The following NCK2 variants were observed in gnomAD, a reference collection of about 807,000 sequenced individuals.
The protein encoded by NCK2 is cytoplasmic protein NCK2.
NCK2 carries 16 observed loss-of-function variants against 33.9 expected under a neutral mutation model. The observed-to-expected ratio is 0.47, with a 90% CI of 0.32 to 0.72. The LOEUF (loss-of-function observed/expected upper bound fraction) is 0.72. NCK2 is among the 30% of genes least tolerant of loss of function. The probability of loss-of-function intolerance (pLI) is 0.03; values close to 1 mark genes in which losing one functional copy is unlikely to be tolerated. For synonymous variants in NCK2, 273 were observed against 239.9 expected (o/e 1.14, Z -1.27); for missense variants, 418 against 537.3 (o/e 0.78, Z 2.19).
At chr2:105,814,804 C>T (rs1294281829) in intron 1 of NCK2, among the ~76,000 whole-genome samples, 1 of 152,186 alleles carries the variant, frequency 6.6e-6, no homozygotes, top group Non-Finnish European at 1.5e-5. Context: ...AGACACAGGG[C>T]ACACAGGGGG....
intron 1 of NCK2, among the ~76,000 whole-genome samples, chr2:105,771,117 T>C (rs1229688854): frequency 6.6e-6 from 1 of 151,870 alleles, no homozygotes; most frequent in Admixed American, 6.6e-5. Flanking sequence ...AGAGACGGGG[T>C]TTCACTCTGT....
intron 2 of NCK2, among the ~76,000 whole-genome samples, chr2:105,817,681 C>T (rs1275403462): frequency 1.3e-5 from 2 of 152,136 alleles, no homozygotes; most frequent in Admixed American, 6.5e-5. Context: ...TGAAAAAATG[C>T]TCATCATCAC....
At chr2:105,815,339 ATC>A (rs1675441466) in intron 1 of NCK2, among the ~76,000 whole-genome samples, 2 of 151,024 alleles carry the variant, frequency 1.3e-5, no homozygotes, top group African/African-American at 5.0e-5. Context: ...TATTTGAATT[ATC>A]TTCTTATCTT....
chr2:105,854,676 GAC>G (rs1677189868), intron 2 of NCK2: 1 of 169,362 alleles, frequency 5.9e-6, no homozygotes, highest in African/African-American at 2.4e-5. Flanking sequence ...ATGTTTATAA[GAC>G]ACAGCATATC....
intron 2 of NCK2, among the ~76,000 whole-genome samples, chr2:105,848,047 A>G (rs1280946994): frequency 2.0e-5 from 3 of 152,204 alleles, no homozygotes; most frequent in Non-Finnish European, 4.4e-5. Flanking sequence ...TCTATTGCAC[A>G]TACGTTTTTG....
intron 3 of NCK2, among the ~76,000 whole-genome samples, chr2:105,880,037 A>C (rs1157467170): frequency 3.9e-5 from 6 of 152,210 alleles, no homozygotes; most frequent in Non-Finnish European, 8.8e-5. Flanking sequence ...TGGGGCTGAC[A>C]TGCTTTCCTC....
chr2:105,814,962 A>G (rs1675428525), intron 1 of NCK2, among the ~76,000 whole-genome samples: 1 of 152,190 alleles, frequency 6.6e-6, no homozygotes, highest in Admixed American at 6.5e-5. Context: ...AATGACACAT[A>G]CAGAGGTGGT....
rs188733534 is a variant in NCK2 at position 105,757,748 on chromosome 2, G to A, written c.-201+12610G>A. On this transcript the variant is annotated intron_variant, in intron 1 of 4. Transcript: ENST00000233154. ...CTTTCGCCATCTCTGGGTGGGGGAA[G>A]CACATATGGGAAGTCCCCCTCTAAC... Among the ~76,000 whole-genome samples, 22 of 152,340 alleles carry A rather than the reference G, an allele frequency of 1.4e-4. No individual in the cohort carries two copies. In the East Asian group the frequency reaches 2.9e-3, roughly 20 times the overall value.
intron 2 of NCK2, among the ~76,000 whole-genome samples, chr2:105,832,305 A>G (rs1676227826): frequency 6.6e-6 from 1 of 152,136 alleles, no homozygotes; most frequent in African/African-American, 2.4e-5. Flanking sequence ...TTCCAGTATG[A>G]CTGCTTTTTC....
chr2:105,766,055 C>T (rs1689933674), intron 1 of NCK2, among the ~76,000 whole-genome samples: 1 of 152,146 alleles, frequency 6.6e-6, no homozygotes, highest in Non-Finnish European at 1.5e-5. Context: ...CCAAGCAGGA[C>T]TCCCTGACAT....
intron 3 of NCK2, among the ~76,000 whole-genome samples, chr2:105,871,760 G>A (rs1678020593): frequency 6.6e-6 from 1 of 152,140 alleles, no homozygotes; most frequent in African/African-American, 2.4e-5. Flanking sequence ...CTCCCAAAGT[G>A]CTGGGATTAC....
At chr2:105,823,917 G>A (rs1483935962) in intron 2 of NCK2, among the ~76,000 whole-genome samples, 2 of 152,010 alleles carry the variant, frequency 1.3e-5, no homozygotes, top group Non-Finnish European at 2.9e-5. Context: ...ACCTTCCCGT[G>A]TGAAGGTCTA....
chr2:105,880,321 T>C (rs1678418994), intron 3 of NCK2, among the ~76,000 whole-genome samples: 1 of 152,196 alleles, frequency 6.6e-6, no homozygotes, highest in Non-Finnish European at 1.5e-5. Flanking sequence ...TGAATCACAG[T>C]ATGAAAAAAT....
chr2:105,745,507 G>A (rs890097757), intron 1 of NCK2, among the ~76,000 whole-genome samples: 1 of 152,040 alleles, frequency 6.6e-6, no homozygotes, highest in Non-Finnish European at 1.5e-5. Context: ...GCCTGCAGGC[G>A]GGCGGCCGGC....
intron 2 of NCK2, among the ~76,000 whole-genome samples, chr2:105,818,556 T>C (rs943045013): frequency 6.6e-6 from 1 of 152,088 alleles, no homozygotes; most frequent in African/African-American, 2.4e-5. Flanking sequence ...ATAGAAAAGA[T>C]TGTTAAATCA....
At chr2:105,860,873 G>C (rs1246327806) in intron 3 of NCK2, among the ~76,000 whole-genome samples, 1 of 150,156 alleles carries the variant, frequency 6.7e-6, no homozygotes, top group Non-Finnish European at 1.5e-5. Context: ...GGGCACACGA[G>C]ATGGGGAATT....
At chr2:105,868,030 G>T (rs1677829872) in intron 3 of NCK2, among the ~76,000 whole-genome samples, 2 of 152,180 alleles carry the variant, frequency 1.3e-5, no homozygotes, top group Non-Finnish European at 2.9e-5. Flanking sequence ...CTGGAAGCAG[G>T]TATGAGGCTA....
intron 2 of NCK2, among the ~76,000 whole-genome samples, chr2:105,829,919 CTTTTTGT>C (rs141553190): frequency 0.19 from 29,303 of 151,864 alleles, 4,343 homozygotes; most frequent in African/African-American, 0.41. Context: ...CATTCATTCT[CTTTTTGT>C]TTTTTTGAGT....
At chr2:105,761,919 T>A (rs1689777170) in intron 1 of NCK2, among the ~76,000 whole-genome samples, 1 of 152,234 alleles carries the variant, frequency 6.6e-6, no homozygotes, top group Admixed American at 6.5e-5. Flanking sequence ...GAACATTATT[T>A]TCTTTTCAAT....
Sources: gnomAD v4.1 joint callset for allele counts (sites outside exome capture counted in the v4.1 genomes callset) on GRCh38, gnomAD v4.1.1 for gene constraint, MANE v1.5 for transcripts, NCBI Gene and HGNC (gene_info 2026-07-23, HGNC 2026-07-21) for gene names.